Variants in PPP1R12A observed in about 807,000 individuals in gnomAD.
The protein encoded by PPP1R12A is protein phosphatase 1 regulatory subunit 12A.
Under a neutral mutation model 139.6 loss-of-function variants are expected in PPP1R12A, and 19 were observed. That is an observed-to-expected ratio of 0.14 (90% CI 0.09 to 0.20). The LOEUF is 0.20. PPP1R12A is among the 10% of genes least tolerant of loss of function. The probability of loss-of-function intolerance (pLI) is 1.00; values close to 1 mark genes in which losing one functional copy is unlikely to be tolerated. For synonymous variants in PPP1R12A, 427 were observed against 420.6 expected (o/e 1.02, Z -0.19); for missense variants, 925 against 1,211.5 (o/e 0.76, Z 3.51).
chr12:79,846,152 A>AT (rs1454637866), intron 2 of PPP1R12A, among the ~76,000 whole-genome samples: 1 of 144,680 alleles, frequency 6.9e-6, no homozygotes, highest in Non-Finnish European at 1.5e-5. Context: ...TCTTTTTAAT[A>AT]TTTTACTAAA....
At chr12:79,932,910 G>C (rs968253400) in intron 1 of PPP1R12A, among the ~76,000 whole-genome samples, 1 of 152,064 alleles carries the variant, frequency 6.6e-6, no homozygotes, top group Admixed American at 6.5e-5. Flanking sequence ...AAAACATATT[G>C]ATGCGAACCA....
At chr12:79,887,057 A>G (rs916854967) in intron 1 of PPP1R12A, among the ~76,000 whole-genome samples, 2 of 152,154 alleles carry the variant, frequency 1.3e-5, no homozygotes, top group African/African-American at 2.4e-5. Context: ...TGCCTACCAC[A>G]TATAACGTAA....
intron 2 of PPP1R12A, among the ~76,000 whole-genome samples, chr12:79,869,965 C>T (rs2137321884): frequency 6.6e-6 from 1 of 151,158 alleles, no homozygotes; most frequent in Non-Finnish European, 1.5e-5. Flanking sequence ...CTATAAAACA[C>T]TGATCTGTGG....
chr12:79,778,831 A>G, intron 23 of PPP1R12A: 1 of 337,014 alleles, frequency 3.0e-6, no homozygotes, highest in Non-Finnish European at 5.4e-6. Flanking sequence ...CTTTCTGGGA[A>G]GATGCTACAT....
chr12:79,885,492 C>T (rs548721624), intron 1 of PPP1R12A, among the ~76,000 whole-genome samples: 49 of 152,162 alleles, frequency 3.2e-4, no homozygotes, highest in Middle Eastern at 3.4e-3. Flanking sequence ...CCTTTTAGTG[C>T]CACTTTTGGT....
chr12:79,922,271 CA>C (rs1009356714), intron 1 of PPP1R12A, among the ~76,000 whole-genome samples: 4 of 151,324 alleles, frequency 2.6e-5, no homozygotes, highest in African/African-American at 7.3e-5. Context: ...CAAAACAAAA[CA>C]AAAAAAACAA....
intron 1 of PPP1R12A, 26 bp from the exon 2 acceptor site, chr12:79,872,964 T>C (rs1244412826): frequency 1.9e-6 from 3 of 1,600,914 alleles, no homozygotes; most frequent in Non-Finnish European, 2.6e-6. Context: ...AAAGCAAGAT[T>C]GGAAAAAATA....
Position 79,833,439 on chromosome 12 carries a change from C to T in PPP1R12A, c.488-948G>A, listed in dbSNP as rs565910104. 1.9e-3 allele frequency among the ~76,000 whole-genome samples: 294 copies of T among 152,146 alleles called. 1 individual carries two copies. The highest frequency in any genetic ancestry group is 6.3e-3 in the African/African-American group (262 of 41,496). On this transcript the variant is annotated intron_variant, in intron 3 of 24. Coordinates refer to ENST00000450142, the MANE Select transcript of PPP1R12A (RefSeq NM_002480.3). Reference sequence around the variant, plus strand: ...TTGCTATTTAATAAACAGCACACACCGCAATGCATTTACAATCTGCCTTAC... The same window carrying T: ...TTGCTATTTAATAAACAGCACACACTGCAATGCATTTACAATCTGCCTTAC...
At chr12:79,917,815 T>C (rs1887121968) in intron 1 of PPP1R12A, among the ~76,000 whole-genome samples, 1 of 152,228 alleles carries the variant, frequency 6.6e-6, no homozygotes, top group African/African-American at 2.4e-5. Context: ...TTAGTAAATT[T>C]AGAAACTGAG....
intron 1 of PPP1R12A, among the ~76,000 whole-genome samples, chr12:79,902,676 GAA>G (rs1885756401): frequency 6.6e-6 from 1 of 151,938 alleles, no homozygotes; most frequent in Non-Finnish European, 1.5e-5. Flanking sequence ...GTTTACCTCA[GAA>G]AGTCATTTTT....
In PPP1R12A at chr12:79,817,586, C is replaced by A; in HGVS notation, c.1115-68G>T. On this transcript the variant is annotated intron_variant, in intron 8 of 24. Coordinates refer to ENST00000450142, the MANE Select transcript of PPP1R12A (RefSeq NM_002480.3). ...TTGGTCTCAATGGCTGGGAAAAAAT[C>A]ATTTTATATTCCATTTTTGTTTAAG... 5.0e-6 allele frequency: 7 copies of A among 1,396,200 alleles called. No individual in the cohort carries two copies. In the South Asian group the frequency reaches 9.7e-5, roughly 19 times the overall value. 86.5% of individuals were successfully genotyped at this position (1,396,200 alleles called of 1,614,324 possible).
At chr12:79,900,251 T>C (rs1859627672) in intron 1 of PPP1R12A, among the ~76,000 whole-genome samples, 1 of 152,192 alleles carries the variant, frequency 6.6e-6, no homozygotes, top group African/African-American at 2.4e-5. Context: ...ATCAGTCCTC[T>C]ACTAAAATAC....
chr12:79,918,375 G>T (rs998084621), intron 1 of PPP1R12A, among the ~76,000 whole-genome samples: 6 of 152,102 alleles, frequency 3.9e-5, no homozygotes, highest in Non-Finnish European at 8.8e-5. Flanking sequence ...TGTACAGATA[G>T]CCTATAGTGT....
intron 2 of PPP1R12A, among the ~76,000 whole-genome samples, chr12:79,846,815 G>C (rs1879470017): frequency 6.6e-6 from 1 of 151,880 alleles, no homozygotes; most frequent in African/African-American, 2.4e-5. Context: ...CACTGATCTG[G>C]CCTTGTCTTC....
intron 2 of PPP1R12A, among the ~76,000 whole-genome samples, chr12:79,849,459 A>G (rs1227736238): frequency 6.6e-6 from 1 of 152,202 alleles, no homozygotes; most frequent in Non-Finnish European, 1.5e-5. Flanking sequence ...TATCTGGAAT[A>G]TGAAAATTTC....
intron 2 of PPP1R12A, among the ~76,000 whole-genome samples, chr12:79,870,858 A>G (rs1565789206): frequency 6.6e-6 from 1 of 152,202 alleles, no homozygotes; most frequent in Non-Finnish European, 1.5e-5. Context: ...TAGCTACAAC[A>G]TGGACAAATG....
Position 79,807,276 on chromosome 12 carries a change from A to C in PPP1R12A, c.1605T>G (p.Asp535Glu). ...TAACTGAGCTATTTTTTTTAAGATC[A>C]TCTTCCCATTTTCTCCTTGTATATG... ...SSSYTRRKWE[D>E]DLKKNSSVNE... The change falls in exon 12 of 25, where the codon GAT (aspartate) becomes GAG (glutamate). Residue 535 changes from aspartate to glutamate, a missense_variant. Around this residue, in one of 4 missense-constraint regions of PPP1R12A, gnomAD observed 403 missense variants for 463.7 expected, o/e 0.87. Transcript: ENST00000450142. 6.4e-7 allele frequency: 1 copy of C among 1,556,488 alleles called. No individual in the cohort carries two copies. Among genetic ancestry groups the C allele is most frequent in the Non-Finnish European group, 8.7e-7 (1 of 1,148,896 alleles).
rs1041251048 is a variant in PPP1R12A at position 79,857,580 on chromosome 12, A to T, written c.369-12160T>A. Among the ~76,000 whole-genome samples the T allele has an allele frequency of 5.4e-5, 8 of 147,982 alleles. No individual in the cohort carries two copies. In the East Asian group the frequency reaches 5.8e-4, roughly 11 times the overall value. ...AGAACTTAAAGTATAATAATAATAA[A>T]AAATAATAATAAAAAAATAATAAAA... On this transcript the variant is annotated intron_variant, in intron 2 of 24. Transcript: ENST00000450142.
chr12:79,790,445 T>C, intron 20 of PPP1R12A, 22 bp downstream of exon 20: 1 of 1,294,150 alleles, frequency 7.7e-7, no homozygotes, highest in Non-Finnish European at 1.0e-6. Context: ...AAAATGTCAG[T>C]TAAAAAATAA....
Sources: gnomAD v4.1 joint callset for allele counts (sites outside exome capture counted in the v4.1 genomes callset) on GRCh38, gnomAD v4.1.1 for gene constraint, gnomAD v4.1.1 regional missense constraint, MANE v1.5 for transcripts, NCBI Gene and HGNC (gene_info 2026-07-23, HGNC 2026-07-21) for gene names.